Variants in TCF4 observed in about 807,000 individuals in gnomAD.
TCF4 encodes the protein transcription factor 4.
In TCF4, 3 loss-of-function variants were observed where a neutral mutation model predicts 82.1. The observed-to-expected ratio is 0.04, with a 90% CI of 0.02 to 0.09. The LOEUF (loss-of-function observed/expected upper bound fraction) is 0.09. Ranked by LOEUF, TCF4 falls within the 10% of genes least tolerant of loss-of-function variation. The pLI, the probability that TCF4 is intolerant of heterozygous loss-of-function variation, is 1.00. For synonymous variants in TCF4, 276 were observed against 309.6 expected, an observed-to-expected ratio of 0.89 and a Z score of 1.14; for missense variants, 518 against 852.7, an observed-to-expected ratio of 0.61 and a Z score of 4.89.
At chr18:55,286,305 C>CTT (rs796742040) in intron 8 of TCF4, among the ~76,000 whole-genome samples, 4 of 141,550 alleles carry the variant, frequency 2.8e-5, no homozygotes, top group African/African-American at 1.0e-4. Flanking sequence ...CTTTTTCTAC[C>CTT]TTTTTTTTTT....
At chr18:55,447,391 T>C (rs2068063373) in intron 5 of TCF4, among the ~76,000 whole-genome samples, 1 of 152,308 alleles carries the variant, frequency 6.6e-6, no homozygotes, top group East Asian at 1.9e-4. Flanking sequence ...ACATGGATTA[T>C]TTCCCCAACT....
intron 6 of TCF4, among the ~76,000 whole-genome samples, chr18:55,365,996 AT>A: frequency 7.1e-6 from 1 of 141,484 alleles, no homozygotes; most frequent in South Asian, 2.1e-4. Context: ...ATAGATATAG[AT>A]ATAGATATAG....
At chr18:55,438,346 G>A (rs920493092) in intron 5 of TCF4, among the ~76,000 whole-genome samples, 17 of 151,762 alleles carry the variant, frequency 1.1e-4, no homozygotes, top group South Asian at 2.1e-4. Flanking sequence ...TAGTTGTCTC[G>A]CACATGTTAG....
chr18:55,321,941 C>T, intron 8 of TCF4: 3 of 1,376,232 alleles, frequency 2.2e-6, no homozygotes, highest in Non-Finnish European at 2.8e-6. Flanking sequence ...CTTTGCGCAG[C>T]GGAGCTGGAA....
At chr18:55,392,993 A>T (rs2093264140) in intron 6 of TCF4, among the ~76,000 whole-genome samples, 2 of 152,222 alleles carry the variant, frequency 1.3e-5, no homozygotes, top group African/African-American at 4.8e-5. Flanking sequence ...TTATATCGGT[A>T]AATATTTTAC....
At chr18:55,574,154 C>A (rs191413899) in intron 3 of TCF4, among the ~76,000 whole-genome samples, 1 of 152,056 alleles carries the variant, frequency 6.6e-6, no homozygotes, top group Non-Finnish European at 1.5e-5. Flanking sequence ...ACTTCAAGGG[C>A]CAATTTCCAT....
intron 1 of TCF4, among the ~76,000 whole-genome samples, chr18:55,632,751 T>G (rs2097732806): frequency 6.6e-6 from 1 of 152,210 alleles, no homozygotes; most frequent in Non-Finnish European, 1.5e-5. Context: ...ATGGATTGAA[T>G]ATAGGGTGTG....
At chr18:55,589,946 C>G, upstream of TCF4, 1 of 578,304 alleles carries the variant, frequency 1.7e-6, no homozygotes, top group Non-Finnish European at 2.2e-6. Flanking sequence ...CACGCCTCCT[C>G]CGGGAGCGGA....
intron 2 of TCF4, among the ~76,000 whole-genome samples, chr18:55,594,593 T>C (rs2097688986): frequency 6.6e-6 from 1 of 152,248 alleles, no homozygotes; most frequent in South Asian, 2.1e-4. Context: ...TTGATTTCAT[T>C]GTTAGTAAAT....
intron 8 of TCF4, among the ~76,000 whole-genome samples, chr18:55,296,296 A>G (rs2066478908): frequency 6.6e-6 from 1 of 152,166 alleles, no homozygotes; most frequent in African/African-American, 2.4e-5. Context: ...AGCTCTGGCT[A>G]TTTTTGTTCC....
chr18:55,370,451 AG>A (rs2088722664), intron 6 of TCF4, among the ~76,000 whole-genome samples: 1 of 151,880 alleles, frequency 6.6e-6, no homozygotes, highest in Non-Finnish European at 1.5e-5. Flanking sequence ...ATAGATAGAT[AG>A]ATAGATAGAT....
intron 8 of TCF4, among the ~76,000 whole-genome samples, chr18:55,311,569 T>A (rs1372727615): frequency 6.6e-6 from 1 of 152,216 alleles, no homozygotes; most frequent in Non-Finnish European, 1.5e-5. Flanking sequence ...ATAAACAATG[T>A]CCATCTCGAG....
chr18:55,295,775 C>T (rs527875875), intron 8 of TCF4, among the ~76,000 whole-genome samples: 8 of 152,220 alleles, frequency 5.3e-5, no homozygotes, highest in Admixed American at 1.3e-4. Context: ...TCTGGGTCAC[C>T]GGATATGCCA....
intron 3 of TCF4, among the ~76,000 whole-genome samples, chr18:55,542,747 T>C (rs1325403993): frequency 6.6e-6 from 1 of 152,002 alleles, no homozygotes; most frequent in Non-Finnish European, 1.5e-5. Context: ...CATACATTTA[T>C]GAAGGCAAAA....
At chr18:55,481,552 A>C (rs1000359863) in intron 3 of TCF4, among the ~76,000 whole-genome samples, 11 of 152,230 alleles carry the variant, frequency 7.2e-5, no homozygotes, top group Non-Finnish European at 1.2e-4. Context: ...AAAGTGAAGA[A>C]CACCTGGATT....
intron 3 of TCF4, among the ~76,000 whole-genome samples, chr18:55,517,056 T>C (rs1316240983): frequency 2.6e-5 from 4 of 152,140 alleles, no homozygotes; most frequent in East Asian, 3.9e-4. Context: ...GGAAAAGTGG[T>C]TGAATTCTTA....
chr18:55,372,591 T>C (rs958489836), intron 6 of TCF4, among the ~76,000 whole-genome samples: 2 of 151,990 alleles, frequency 1.3e-5, no homozygotes, highest in Non-Finnish European at 2.9e-5. Context: ...CTCTGAAAAT[T>C]TATACCCCCA....
chr18:55,351,099 G>A, intron 6 of TCF4, 96 bp from the exon 7 acceptor site: 1 of 1,479,126 alleles, frequency 6.8e-7, no homozygotes, highest in South Asian at 1.2e-5. Context: ...ATGCAATAAA[G>A]CAAACAGCAT....
At chr18:55,395,307 G>A (rs2093423507) in intron 6 of TCF4, among the ~76,000 whole-genome samples, 1 of 152,052 alleles carries the variant, frequency 6.6e-6, no homozygotes, top group Non-Finnish European at 1.5e-5. Flanking sequence ...TTTCCCCTTT[G>A]TCTTTACACC....
Sources: gnomAD v4.1 joint callset for allele counts (sites outside exome capture counted in the v4.1 genomes callset) on GRCh38, gnomAD v4.1.1 for gene constraint, MANE v1.5 for transcripts, NCBI Gene and HGNC (gene_info 2026-07-23, HGNC 2026-07-21) for gene names.